Variants in PDE7A observed in about 807,000 individuals in gnomAD.
The protein encoded by PDE7A is high affinity 3',5'-cyclic-AMP phosphodiesterase 7A.
Under a neutral mutation model 64.3 loss-of-function variants are expected in PDE7A, and 39 were observed. The ratio of observed to expected loss-of-function variants is 0.61; its 90% CI spans 0.47 to 0.79. PDE7A has a LOEUF of 0.79. Among genes scored for constraint, PDE7A ranks in the 30% least tolerant of loss-of-function variants. The pLI, the probability that PDE7A is intolerant of heterozygous loss-of-function variation, is 0.00. For missense variants in PDE7A, 470 were observed against 582.8 expected (o/e 0.81, Z 1.99); for synonymous variants, 203 against 206.8 (o/e 0.98, Z 0.16).
chr8:65,809,287 C>T (rs547966625), intron 1 of PDE7A, among the ~76,000 whole-genome samples: 127 of 152,312 alleles, frequency 8.3e-4, no homozygotes, highest in African/African-American at 3.0e-3. Flanking sequence ...TTTTGTTCCA[C>T]TTTGATACAG....
At chr8:65,826,185 T>C (rs1324191036) in intron 1 of PDE7A, among the ~76,000 whole-genome samples, 1 of 152,208 alleles carries the variant, frequency 6.6e-6, no homozygotes, top group Admixed American at 6.6e-5. Flanking sequence ...GGCCATATCA[T>C]GAAAAGGAGT....
intron 1 of PDE7A, among the ~76,000 whole-genome samples, chr8:65,831,265 T>C (rs901529125): frequency 1.3e-5 from 2 of 152,178 alleles, no homozygotes; most frequent in African/African-American, 2.4e-5. Context: ...ACTTGAACTC[T>C]ACATATTCGA....
At chr8:65,744,492 C>T (rs1054289368) in intron 5 of PDE7A, among the ~76,000 whole-genome samples, 1 of 152,098 alleles carries the variant, frequency 6.6e-6, no homozygotes, top group Non-Finnish European at 1.5e-5. Flanking sequence ...GAAAACATGA[C>T]CCCTCCATCC....
chr8:65,801,851 G>A (rs913658107), intron 1 of PDE7A, among the ~76,000 whole-genome samples: 2 of 152,092 alleles, frequency 1.3e-5, no homozygotes, highest in African/African-American at 2.4e-5. Flanking sequence ...GTTTAGTAAG[G>A]TTCAGGAAAA....
chr8:65,808,610 T>C (rs1005175336), intron 1 of PDE7A, among the ~76,000 whole-genome samples: 2 of 152,320 alleles, frequency 1.3e-5, no homozygotes, highest in African/African-American at 4.8e-5. Context: ...ACATTACAGA[T>C]GATTCTTATT....
At chr8:65,837,269 A>G (rs993980632) in intron 1 of PDE7A, among the ~76,000 whole-genome samples, 1 of 152,224 alleles carries the variant, frequency 6.6e-6, no homozygotes, top group African/African-American at 2.4e-5. Flanking sequence ...TGTATAAGGA[A>G]GGGTATGCAT....
chr8:65,743,815 T>C (rs1807546529), intron 5 of PDE7A, among the ~76,000 whole-genome samples: 1 of 151,334 alleles, frequency 6.6e-6, no homozygotes, highest in African/African-American at 2.4e-5. Flanking sequence ...CTTTCAGCTC[T>C]GGGGCAAAAC....
At chr8:65,841,338 G>C (rs760610587) in intron 1 of PDE7A, 33 bp downstream of exon 1, 1 of 1,494,546 alleles carries the variant, frequency 6.7e-7, no homozygotes, top group African/African-American at 1.5e-5. Flanking sequence ...AAAGAGAGAA[G>C]CCCTCAAGTG....
At chr8:65,821,830 ACAGT>A (rs1342580518) in intron 1 of PDE7A, among the ~76,000 whole-genome samples, 7 of 152,248 alleles carry the variant, frequency 4.6e-5, no homozygotes, top group Admixed American at 2.6e-4. Flanking sequence ...AGTTTTACAT[ACAGT>A]GAGTTAAATA....
At chr8:65,760,030 A>G (rs1808419471) in intron 3 of PDE7A, among the ~76,000 whole-genome samples, 1 of 152,192 alleles carries the variant, frequency 6.6e-6, no homozygotes, top group South Asian at 2.1e-4. Flanking sequence ...ACTTGAGGTC[A>G]GGAGTTCAAG....
At chr8:65,827,563 A>G (rs988469027) in intron 1 of PDE7A, among the ~76,000 whole-genome samples, 3 of 152,194 alleles carry the variant, frequency 2.0e-5, no homozygotes, top group Non-Finnish European at 4.4e-5. Flanking sequence ...TCCAAACATT[A>G]TAACACTATA....
intron 6 of PDE7A, 101 bp from the exon 7 acceptor site, chr8:65,734,995 A>G (rs1807064223): frequency 9.3e-6 from 7 of 754,486 alleles, no homozygotes; most frequent in Non-Finnish European, 1.6e-5. Flanking sequence ...CTTTTCATGT[A>G]GCTATCGGCT....
rs1387327261 is a variant in PDE7A, at chr8:65,739,542, C to T, written c.555G>A (p.Glu185=). 1.9e-6 allele frequency: 3 copies of T among 1,567,740 alleles called. No individual in the cohort carries two copies. The highest frequency in any genetic ancestry group is 2.6e-6 in the Non-Finnish European group (3 of 1,161,752). ...FHLFSLHGLI[E]YFHLDMMKLR... ...GTTTCATCATATCTAAATGGAAGTA[C>T]TCAATTAATCCATGAAGACTAAATA... The change falls in exon 6 of 13, where the codon GAG becomes GAA. Residue 185 remains glutamate, a synonymous_variant. Transcript: ENST00000401827.
chr8:65,734,542 C>T (rs1351452394), intron 7 of PDE7A, among the ~76,000 whole-genome samples: 1 of 152,164 alleles, frequency 6.6e-6, no homozygotes, highest in Admixed American at 6.5e-5. Flanking sequence ...GTGTAAATGC[C>T]AGCAGTCGAG....
chr8:65,715,737 G>A lies in PDE7A; in HGVS notation c.*3553C>T, dbSNP rs1233975434. Among the ~76,000 whole-genome samples, 3 of 147,500 alleles carry A rather than the reference G, an allele frequency of 2.0e-5. No individual in the cohort carries two copies. Among genetic ancestry groups the A allele is most frequent in the Non-Finnish European group, 4.5e-5 (3 of 66,594 alleles). ...ACGGTGGCTCACGCCTGTAATCCCA[G>A]CACTATGGGAGGCCGAGGCGGGCGG... is the stretch of plus-strand genomic sequence containing the variant. On this transcript the variant is annotated 3_prime_UTR_variant, in exon 13 of 13. Coordinates refer to ENST00000401827, the MANE Select transcript of PDE7A (RefSeq NM_001242318.3).
intron 6 of PDE7A, among the ~76,000 whole-genome samples, chr8:65,736,264 A>G (rs967811407): frequency 2.6e-5 from 4 of 152,212 alleles, no homozygotes; most frequent in Non-Finnish European, 5.9e-5. Flanking sequence ...TCAGGATGCA[A>G]TGAGATTTCA....
intron 3 of PDE7A, among the ~76,000 whole-genome samples, chr8:65,753,641 A>C (rs993220680): frequency 6.6e-6 from 1 of 152,094 alleles, no homozygotes; most frequent in African/African-American, 2.4e-5. Flanking sequence ...TGTTACCTCT[A>C]ACTGGATTAT....
intron 3 of PDE7A, among the ~76,000 whole-genome samples, chr8:65,757,901 G>A (rs1808312290): frequency 6.6e-6 from 1 of 152,220 alleles, no homozygotes; most frequent in South Asian, 2.1e-4. Context: ...ACAGGTGTGA[G>A]CCACCACACC....
rs942370390 is a variant in PDE7A at position 65,741,372 on chromosome 8, T to C, written c.500-1775A>G. Among the ~76,000 whole-genome samples the C allele has an allele frequency of 5.3e-5, 8 of 152,118 alleles. 1 individual carries two copies. Among genetic ancestry groups the C allele is most frequent in the Admixed American group, 4.6e-4 (7 of 15,276 alleles). On this transcript the variant is annotated intron_variant, in intron 5 of 12. Coordinates refer to ENST00000401827, the MANE Select transcript of PDE7A (RefSeq NM_001242318.3). ...GTCCCAAATTGAAAATTTATAATAA[T>C]AATATTTATGAAGGATAATAAAGGA...
Sources: allele counts gnomAD v4.1 joint callset (sites outside exome capture counted in the v4.1 genomes callset), GRCh38; gene constraint gnomAD v4.1.1; transcripts MANE v1.5; gene names NCBI Gene and HGNC (gene_info 2026-07-23, HGNC 2026-07-21).